The following LRRTM4 variants were observed in gnomAD, a reference collection of about 807,000 sequenced individuals.
LRRTM4 encodes leucine rich repeat transmembrane neuronal 4.
LRRTM4 carries 25 observed loss-of-function variants against 47.6 expected under a neutral mutation model. The ratio of observed to expected loss-of-function variants is 0.53; its 90% confidence interval spans 0.38 to 0.73. LRRTM4 has a LOEUF of 0.73. LRRTM4 is among the 30% of genes least tolerant of loss of function. The pLI is 0.00. For missense variants in LRRTM4, 638 were observed against 713.4 expected, an observed-to-expected ratio of 0.89 and a Z score of 1.20; for synonymous variants, 311 against 269.5, an observed-to-expected ratio of 1.15 and a Z score of -1.51.
At chr2:77,092,940 A>G (rs571600532) in intron 3 of LRRTM4, among the ~76,000 whole-genome samples, 3 of 148,224 alleles carry the variant, frequency 2.0e-5, no homozygotes, top group South Asian at 4.2e-4. Context: ...ACCAACTTAA[A>G]AAGGACTGGA....
At chr2:77,268,941 A>G (rs1676122714) in intron 3 of LRRTM4, among the ~76,000 whole-genome samples, 2 of 152,134 alleles carry the variant, frequency 1.3e-5, no homozygotes, top group African/African-American at 4.8e-5. Flanking sequence ...CATAAGCTCC[A>G]CGGCAGGGCC....
chr2:76,879,152 A>C (rs139599315), intron 3 of LRRTM4, among the ~76,000 whole-genome samples: 4 of 152,366 alleles, frequency 2.6e-5, no homozygotes, highest in African/African-American at 9.6e-5. Flanking sequence ...GATCTAGCTA[A>C]GATCATTAGT....
chr2:77,169,446 G>A (rs1179481688), intron 3 of LRRTM4, among the ~76,000 whole-genome samples: 2 of 151,990 alleles, frequency 1.3e-5, no homozygotes, highest in African/African-American at 4.8e-5. Flanking sequence ...TGGTTTGAAT[G>A]TCCCCTCCAA....
intron 3 of LRRTM4, among the ~76,000 whole-genome samples, chr2:77,291,158 G>C (rs1003040208): frequency 1.3e-5 from 2 of 152,062 alleles, no homozygotes; most frequent in Admixed American, 6.6e-5. Context: ...ATACAGATGA[G>C]AGATGGAAAT....
chr2:76,912,440 CATT>C (rs1178054605), intron 3 of LRRTM4, among the ~76,000 whole-genome samples: 2 of 152,146 alleles, frequency 1.3e-5, no homozygotes, highest in South Asian at 2.1e-4. Context: ...GGATAAGTCT[CATT>C]ATAAAATTTG....
chr2:77,022,224 T>C (rs1678299867), intron 3 of LRRTM4, among the ~76,000 whole-genome samples: 1 of 152,074 alleles, frequency 6.6e-6, no homozygotes, highest in Non-Finnish European at 1.5e-5. Context: ...TTCACTACCA[T>C]GGGAACAGTA....
At chr2:77,419,356 G>T (rs1039730534) in intron 3 of LRRTM4, among the ~76,000 whole-genome samples, 2 of 152,102 alleles carry the variant, frequency 1.3e-5, no homozygotes, top group African/African-American at 4.8e-5. Context: ...TGGGGGATTG[G>T]TTCCAGAACT....
intron 3 of LRRTM4, among the ~76,000 whole-genome samples, chr2:77,273,950 A>G (rs969199368): frequency 6.6e-6 from 1 of 152,142 alleles, no homozygotes; most frequent in African/African-American, 2.4e-5. Context: ...GAAAATTCTT[A>G]GGAAATGACC....
At chr2:77,339,992 G>C (rs1427517849) in intron 3 of LRRTM4, among the ~76,000 whole-genome samples, 1 of 151,908 alleles carries the variant, frequency 6.6e-6, no homozygotes, top group Non-Finnish European at 1.5e-5. Context: ...GAATATAAAA[G>C]AGTCTACATG....
intron 3 of LRRTM4, among the ~76,000 whole-genome samples, chr2:77,285,340 T>TATATATA (rs1676621332): frequency 1.2e-5 from 1 of 82,590 alleles, no homozygotes; most frequent in African/African-American, 4.2e-5. Flanking sequence ...AGCATTAAAT[T>TATATATA]TATATATATA....
At chr2:77,254,414 C>T (rs1375854889) in intron 3 of LRRTM4, among the ~76,000 whole-genome samples, 1 of 151,576 alleles carries the variant, frequency 6.6e-6, no homozygotes, top group Admixed American at 6.6e-5. Flanking sequence ...GCCAAACTTA[C>T]CCTAAAAGAA....
chr2:77,424,516 T>C (rs1472481259), intron 3 of LRRTM4, among the ~76,000 whole-genome samples: 2 of 152,222 alleles, frequency 1.3e-5, no homozygotes. Context: ...CATTCTGCTA[T>C]AGAATAGTTT....
At chr2:77,061,636 T>C (rs1216439739) in intron 3 of LRRTM4, among the ~76,000 whole-genome samples, 1 of 152,134 alleles carries the variant, frequency 6.6e-6, no homozygotes, top group Non-Finnish European at 1.5e-5. Context: ...TTCATATTAG[T>C]AGAAAATATC....
At chr2:77,130,586 A>G (rs893274066) in intron 3 of LRRTM4, among the ~76,000 whole-genome samples, 3 of 151,552 alleles carry the variant, frequency 2.0e-5, no homozygotes, top group African/African-American at 7.3e-5. Flanking sequence ...ATCTCGGCTC[A>G]CTGCAAGCTC....
intron 3 of LRRTM4, among the ~76,000 whole-genome samples, chr2:77,112,534 T>G (rs1671278197): frequency 1.3e-5 from 2 of 152,184 alleles, no homozygotes; most frequent in Admixed American, 6.5e-5. Flanking sequence ...GTTTTCAATA[T>G]TATCCCAAAC....
chr2:77,068,243 C>T (rs1680026989), intron 3 of LRRTM4, among the ~76,000 whole-genome samples: 1 of 152,096 alleles, frequency 6.6e-6, no homozygotes, highest in Admixed American at 6.6e-5. Context: ...GAACATCTGC[C>T]AGCTAGAAAC....
intron 3 of LRRTM4, among the ~76,000 whole-genome samples, chr2:76,844,027 G>A (rs953810250): frequency 1.0e-4 from 15 of 149,918 alleles, no homozygotes; most frequent in Admixed American, 1.3e-4. Context: ...TCAGCCTCCC[G>A]ATTAGCTGGA....
chr2:76,973,788 A>G (rs1441007381), intron 3 of LRRTM4, among the ~76,000 whole-genome samples: 1 of 150,410 alleles, frequency 6.6e-6, no homozygotes, highest in Non-Finnish European at 1.5e-5. Flanking sequence ...TAACCAAAGT[A>G]GTGCACACAA....
intron 3 of LRRTM4, among the ~76,000 whole-genome samples, chr2:77,021,662 TG>T (rs1399431974): frequency 2.0e-5 from 3 of 152,200 alleles, no homozygotes; most frequent in Non-Finnish European, 4.4e-5. Flanking sequence ...GCCAGCTGAA[TG>T]CAACTGCATG....
Sources: allele counts gnomAD v4.1 joint callset (sites outside exome capture counted in the v4.1 genomes callset), GRCh38; gene constraint gnomAD v4.1.1; transcripts MANE v1.5; gene names NCBI Gene and HGNC (gene_info 2026-07-23, HGNC 2026-07-21).